The following ALK variants were observed in gnomAD, a reference collection of about 807,000 sequenced individuals.
The protein encoded by ALK is ALK tyrosine kinase receptor.
ALK carries 74 observed loss-of-function variants against 163.1 expected under a neutral mutation model. That is an observed-to-expected ratio of 0.45 (90% CI 0.38 to 0.55). The LOEUF (loss-of-function observed/expected upper bound fraction) is 0.55. Ranked by LOEUF, ALK falls within the 20% of genes least tolerant of loss-of-function variation. The probability of loss-of-function intolerance (pLI) is 0.00; values close to 1 mark genes in which losing one functional copy is unlikely to be tolerated. For missense variants in ALK, 2,063 were observed against 2,105.3 expected, an observed-to-expected ratio of 0.98 and a Z score of 0.39; for synonymous variants, 960 against 843.2, an observed-to-expected ratio of 1.14 and a Z score of -2.40.
chr2:29,613,418 A>G (rs1242253637), intron 3 of ALK, among the ~76,000 whole-genome samples: 5 of 152,240 alleles, frequency 3.3e-5, no homozygotes, highest in Admixed American at 6.5e-5. Flanking sequence ...GGGAAATTAA[A>G]TTAGCTAACA....
At chr2:29,412,575 C>T (rs1000061822) in intron 4 of ALK, among the ~76,000 whole-genome samples, 1 of 152,182 alleles carries the variant, frequency 6.6e-6, no homozygotes, top group Non-Finnish European at 1.5e-5. Context: ...AAGATTTTCT[C>T]TGGCAAATAA....
At chr2:29,264,049 C>T (rs1020952495) in intron 11 of ALK, among the ~76,000 whole-genome samples, 7 of 152,220 alleles carry the variant, frequency 4.6e-5, no homozygotes, top group African/African-American at 1.7e-4. Flanking sequence ...TTGGAACCAA[C>T]TTTTTCGTGC....
chr2:29,433,134 A>T (rs942727244), intron 4 of ALK, among the ~76,000 whole-genome samples: 1 of 152,204 alleles, frequency 6.6e-6, no homozygotes, highest in Admixed American at 6.5e-5. Context: ...TTATGACACT[A>T]TTGAACCCAT....
chr2:29,875,544 G>A (rs1290241105), intron 1 of ALK, among the ~76,000 whole-genome samples: 1 of 152,066 alleles, frequency 6.6e-6, no homozygotes, highest in Non-Finnish European at 1.5e-5. Flanking sequence ...TTTAAGCCCT[G>A]CATGCATTAG....
intron 1 of ALK, among the ~76,000 whole-genome samples, chr2:29,912,469 T>TA (rs1262527523): frequency 6.6e-6 from 1 of 152,076 alleles, no homozygotes; most frequent in African/African-American, 2.4e-5. Flanking sequence ...CTGAACCTAG[T>TA]AAAAATATCC....
intron 1 of ALK, among the ~76,000 whole-genome samples, chr2:29,770,201 C>T (rs978976271): frequency 2.0e-5 from 3 of 150,450 alleles, no homozygotes; most frequent in Non-Finnish European, 4.4e-5. Flanking sequence ...TTTTTGTATC[C>T]AAAATGCCGA....
rs1664689563 is a variant in ALK, at chr2:29,246,946, C to T, written c.2204+4159G>A. On this transcript the variant is annotated intron_variant, in intron 12 of 28. Transcript: ENST00000389048. This position sits in a 1 kb window ranked among gnomAD's most constrained non-coding sequence, Gnocchi z 4.3. ...GGCCCTGCTGCCTCCAGCCTCGGCT[C>T]CCCGAGGCCAGCCTTGCCCGACTTC... 1.3e-5 allele frequency among the ~76,000 whole-genome samples: 2 copies of T among 152,230 alleles called. No homozygotes were observed. The highest frequency in any genetic ancestry group is 2.9e-5 in the Non-Finnish European group (2 of 68,046).
intron 4 of ALK, among the ~76,000 whole-genome samples, chr2:29,483,284 A>T (rs943825618): frequency 6.6e-6 from 1 of 152,210 alleles, no homozygotes; most frequent in Non-Finnish European, 1.5e-5. Context: ...AAAAACACCA[A>T]TGTCTAGGCA....
At chr2:29,433,303 G>C (rs1670323541) in intron 4 of ALK, among the ~76,000 whole-genome samples, 1 of 152,188 alleles carries the variant, frequency 6.6e-6, no homozygotes, top group African/African-American at 2.4e-5. Context: ...CATTAGTGTA[G>C]GGTGGGGCTG....
chr2:29,884,187 G>A (rs182514765), intron 1 of ALK, among the ~76,000 whole-genome samples: 6 of 152,238 alleles, frequency 3.9e-5, no homozygotes, highest in Admixed American at 1.3e-4. Flanking sequence ...AAAAAAACAT[G>A]AGTAGTTTTC....
intron 5 of ALK, among the ~76,000 whole-genome samples, chr2:29,365,541 C>T (rs1197796709): frequency 6.6e-6 from 1 of 152,140 alleles, no homozygotes; most frequent in African/African-American, 2.4e-5. Flanking sequence ...AGGAAAAAGA[C>T]ACAAGTGGTG....
chr2:29,875,240 G>C (rs966380015), intron 1 of ALK, among the ~76,000 whole-genome samples: 7 of 152,136 alleles, frequency 4.6e-5, no homozygotes, highest in African/African-American at 1.7e-4. Flanking sequence ...AAGTAGACTA[G>C]AGGTTACTAG....
chr2:29,743,025 G>A lies in ALK; in HGVS notation c.668-25328C>T, dbSNP rs561426802. 2.6e-5 allele frequency among the ~76,000 whole-genome samples: 4 copies of A among 152,266 alleles called. No individual in the cohort carries two copies. The East Asian group carries it at 7.7e-4, about 29-fold the overall frequency. Reference sequence around the variant, plus strand: ...AGACAAGAAAAACTCCAATATCCTAGGGATACAATTCAATCTCAGCAGCCT... The same window carrying A: ...AGACAAGAAAAACTCCAATATCCTAAGGATACAATTCAATCTCAGCAGCCT... On this transcript the variant is annotated intron_variant, in intron 1 of 28. Coordinates refer to ENST00000389048, the MANE Select transcript of ALK (RefSeq NM_004304.5).
At chr2:29,832,700 C>T (rs983061572) in intron 1 of ALK, among the ~76,000 whole-genome samples, 20 of 152,242 alleles carry the variant, frequency 1.3e-4, no homozygotes, top group African/African-American at 4.1e-4. Context: ...ACTCATCCAT[C>T]CACCCATTTA....
chr2:29,340,824 T>C (rs2148270327), intron 5 of ALK, among the ~76,000 whole-genome samples: 1 of 152,338 alleles, frequency 6.6e-6, no homozygotes, highest in South Asian at 2.1e-4. Context: ...CCTTCCCTGG[T>C]GGCTTTATCT....
chr2:29,841,451 T>C (rs557660821), intron 1 of ALK, among the ~76,000 whole-genome samples: 2 of 152,372 alleles, frequency 1.3e-5, no homozygotes, highest in East Asian at 3.9e-4. Context: ...CTCTTCCATT[T>C]GCACCTTTAT....
chr2:29,708,933 T>C lies in ALK; in HGVS notation c.787+8645A>G, dbSNP rs536061492. ...CCCAAATGGGCTGGTTCAAGTCCTGTGAATTGGAGGTCTCTTCTGACACAA... is the reference window on the plus strand; with the variant it reads ...CCCAAATGGGCTGGTTCAAGTCCTGCGAATTGGAGGTCTCTTCTGACACAA... On this transcript the variant is annotated intron_variant, in intron 2 of 28. Transcript: ENST00000389048. 3.9e-5 allele frequency among the ~76,000 whole-genome samples: 6 copies of C among 152,348 alleles called. No homozygotes were observed. The South Asian group carries it at 1.2e-3, about 32-fold the overall frequency.
chr2:29,411,537 C>A (rs376527339), intron 4 of ALK, among the ~76,000 whole-genome samples: 3 of 152,096 alleles, frequency 2.0e-5, no homozygotes, highest in East Asian at 3.9e-4. Context: ...GCCTCTAACT[C>A]CTAGCCTCAA....
At chr2:29,792,183 A>G (rs1456933225) in intron 1 of ALK, among the ~76,000 whole-genome samples, 1 of 152,160 alleles carries the variant, frequency 6.6e-6, no homozygotes, top group Non-Finnish European at 1.5e-5. Flanking sequence ...CTAACTATAC[A>G]TTAGGTATTT....
Sources: allele counts gnomAD v4.1 joint callset (sites outside exome capture counted in the v4.1 genomes callset), GRCh38; gene constraint gnomAD v4.1.1; non-coding constraint Gnocchi (gnomAD v3.1); transcripts MANE v1.5; gene names NCBI Gene and HGNC (gene_info 2026-07-23, HGNC 2026-07-21).